Variants in NRXN3 observed in about 807,000 individuals in gnomAD.
NRXN3 encodes the protein neurexin 3.
Under a neutral mutation model 137.6 loss-of-function variants are expected in NRXN3, and 32 were observed. The observed-to-expected ratio is 0.23, with a 90% CI of 0.18 to 0.31. The LOEUF (loss-of-function observed/expected upper bound fraction) is 0.31, where lower values mean the gene tolerates loss of function less well. NRXN3 is among the 10% of genes least tolerant of loss of function. The pLI is 1.00. For synonymous variants in NRXN3, 798 were observed against 784.5 expected (o/e 1.02, Z -0.29); for missense variants, 1,574 against 2,062.5 (o/e 0.76, Z 4.59).
At chr14:79,545,952 G>A (rs1466942988) in intron 16 of NRXN3, among the ~76,000 whole-genome samples, 2 of 152,054 alleles carry the variant, frequency 1.3e-5, no homozygotes, top group Non-Finnish European at 2.9e-5. Flanking sequence ...GAATCATGGG[G>A]GTAGGTATTT....
At chr14:78,175,497 G>A (rs2059170254) in intron 1 of NRXN3, among the ~76,000 whole-genome samples, 1 of 152,144 alleles carries the variant, frequency 6.6e-6, no homozygotes, top group South Asian at 2.1e-4. Context: ...GCCCGTGGTC[G>A]GCTGTGGTCT....
intron 16 of NRXN3, among the ~76,000 whole-genome samples, chr14:79,616,557 G>A (rs1313684044): frequency 2.0e-5 from 3 of 152,146 alleles, no homozygotes; most frequent in Non-Finnish European, 4.4e-5. Context: ...TACCTATGGA[G>A]TGCTATGCTT....
In NRXN3 at chr14:79,692,155, G is replaced by C. The variant is rs745717373; in HGVS notation, c.3617-18G>C. ...GACTTTTCAGATTGTTCTTTAAGCTGTTTTTTAAACTTTAAAGGCAACACT... is the reference window on the plus strand; with the variant it reads ...GACTTTTCAGATTGTTCTTTAAGCTCTTTTTTAAACTTTAAAGGCAACACT... On this transcript the variant is annotated intron_variant, in intron 17 of 20. Transcript: ENST00000335750. The C allele has an allele frequency of 3.8e-6, 6 of 1,567,972 alleles. No individual in the cohort carries two copies. The highest frequency in any genetic ancestry group is 5.2e-6 in the Non-Finnish European group (6 of 1,156,560).
intron 15 of NRXN3, among the ~76,000 whole-genome samples, chr14:79,169,911 T>C (rs1446865867): frequency 2.0e-5 from 3 of 151,996 alleles, no homozygotes; most frequent in South Asian, 2.1e-4. Context: ...ACAGGTGAGA[T>C]TGAGACTACA....
At chr14:79,483,797 G>C (rs2096630602) in intron 16 of NRXN3, among the ~76,000 whole-genome samples, 1 of 152,102 alleles carries the variant, frequency 6.6e-6, no homozygotes, top group Non-Finnish European at 1.5e-5. Flanking sequence ...GGGTGTGTGT[G>C]TGTGTTTTAA....
intron 1 of NRXN3, among the ~76,000 whole-genome samples, chr14:78,179,259 G>A (rs965495930): frequency 6.6e-6 from 1 of 152,052 alleles, no homozygotes; most frequent in African/African-American, 2.4e-5. Flanking sequence ...GGAATGAGCG[G>A]GATCCCCCAG....
chr14:78,655,437 A>C (rs900848481), intron 6 of NRXN3, among the ~76,000 whole-genome samples: 4 of 152,186 alleles, frequency 2.6e-5, no homozygotes, highest in Non-Finnish European at 2.9e-5. Flanking sequence ...CAGGAAAAAA[A>C]ACCCCATCAT....
At chr14:79,684,043 A>G (rs2098683765) in intron 17 of NRXN3, among the ~76,000 whole-genome samples, 1 of 152,172 alleles carries the variant, frequency 6.6e-6, no homozygotes, top group Admixed American at 6.6e-5. Context: ...CTCCATCATA[A>G]TCTTCCTATT....
chr14:79,599,634 A>G, intron 16 of NRXN3, among the ~76,000 whole-genome samples: 1 of 152,208 alleles, frequency 6.6e-6, no homozygotes, highest in Non-Finnish European at 1.5e-5. Context: ...ATTTATTTAG[A>G]GCTTTCTCTG....
chr14:78,240,969 C>T (rs1415756265), intron 1 of NRXN3, among the ~76,000 whole-genome samples: 1 of 152,166 alleles, frequency 6.6e-6, no homozygotes, highest in Non-Finnish European at 1.5e-5. Context: ...TTGCACAGCT[C>T]CTAGAAATCA....
intron 16 of NRXN3, among the ~76,000 whole-genome samples, chr14:79,472,591 C>T (rs756488809): frequency 1.3e-5 from 2 of 152,042 alleles, no homozygotes; most frequent in South Asian, 2.1e-4. Context: ...TTCTGTAGAG[C>T]GAGGGTGTCT....
chr14:78,172,249 T>C (rs1444182618), intron 1 of NRXN3, among the ~76,000 whole-genome samples: 2 of 152,030 alleles, frequency 1.3e-5, no homozygotes, highest in Admixed American at 6.6e-5. Context: ...CCCAGGATAG[T>C]CTATCTGGGG....
At chr14:78,202,058 C>T (rs746198035) in intron 1 of NRXN3, among the ~76,000 whole-genome samples, 6 of 152,148 alleles carry the variant, frequency 3.9e-5, no homozygotes, top group Admixed American at 6.5e-5. Context: ...AGAATGAAAG[C>T]AGTGGGGAGG....
At chr14:78,189,292 G>T (rs1298243312) in intron 1 of NRXN3, among the ~76,000 whole-genome samples, 1 of 152,174 alleles carries the variant, frequency 6.6e-6, no homozygotes, top group Non-Finnish European at 1.5e-5. Flanking sequence ...CTGTGCATTT[G>T]TTTCTCCACT....
intron 15 of NRXN3, among the ~76,000 whole-genome samples, chr14:79,339,257 C>T (rs761124274): frequency 7.2e-5 from 11 of 152,132 alleles, no homozygotes; most frequent in South Asian, 2.1e-4. Context: ...CCTAGGAAAA[C>T]GAGACAAAAT....
intron 4 of NRXN3, among the ~76,000 whole-genome samples, chr14:78,377,042 AAAAG>A (rs1341588860): frequency 6.6e-6 from 1 of 152,220 alleles, no homozygotes; most frequent in African/African-American, 2.4e-5. Flanking sequence ...CAGAGAAAAT[AAAAG>A]AAATAGTAGA....
intron 10 of NRXN3, among the ~76,000 whole-genome samples, chr14:78,876,963 A>G (rs572845621): frequency 3.3e-5 from 5 of 152,254 alleles, no homozygotes; most frequent in South Asian, 4.1e-4. Flanking sequence ...ATTGTTTTCT[A>G]CTGGTCTACT....
At chr14:78,653,834 A>C (rs567642589) in intron 6 of NRXN3, among the ~76,000 whole-genome samples, 13 of 152,298 alleles carry the variant, frequency 8.5e-5, no homozygotes, top group African/African-American at 3.1e-4. Flanking sequence ...TCTGAAAAAC[A>C]GTGTCAATAA....
At chr14:78,705,856 C>T (rs2098341711) in intron 6 of NRXN3, among the ~76,000 whole-genome samples, 1 of 152,178 alleles carries the variant, frequency 6.6e-6, no homozygotes, top group Admixed American at 6.5e-5. Flanking sequence ...AGCACTCACC[C>T]TCAAAGAGCC....
Sources: gnomAD v4.1 joint callset for allele counts (sites outside exome capture counted in the v4.1 genomes callset) on GRCh38, gnomAD v4.1.1 for gene constraint, MANE v1.5 for transcripts, NCBI Gene and HGNC (gene_info 2026-07-23, HGNC 2026-07-21) for gene names.